Variants in NUDT3 observed in about 807,000 individuals in gnomAD.
The protein encoded by NUDT3 is nudix hydrolase 3, also known as diphosphoinositol polyphosphate phosphohydrolase 1.
A neutral mutation model predicts 23.6 loss-of-function variants in NUDT3; 9 were observed. The ratio of observed to expected loss-of-function variants is 0.38; its 90% CI spans 0.23 to 0.66. The LOEUF is 0.66. Among genes scored for constraint, NUDT3 ranks in the 30% least tolerant of loss-of-function variants. The probability of loss-of-function intolerance (pLI) is 0.52; values close to 1 mark genes in which losing one functional copy is unlikely to be tolerated. For synonymous variants in NUDT3, 86 were observed against 82.6 expected, an observed-to-expected ratio of 1.04 and a Z score of -0.22; for missense variants, 172 against 218.5, an observed-to-expected ratio of 0.79 and a Z score of 1.34.
At chr6:34,379,073 C>A (rs1253503822) in intron 1 of NUDT3, among the ~76,000 whole-genome samples, 2 of 152,196 alleles carry the variant, frequency 1.3e-5, no homozygotes, top group Non-Finnish European at 2.9e-5. Context: ...CTTTCACCCA[C>A]AGCAACGTAG....
At chr6:34,343,035 G>A (rs1764311010) in intron 1 of NUDT3, among the ~76,000 whole-genome samples, 1 of 152,104 alleles carries the variant, frequency 6.6e-6, no homozygotes. Flanking sequence ...TATGTGATCT[G>A]TAGATTCAGA....
rs1015389927 is a variant in NUDT3 at position 34,335,486 on chromosome 6, T to A, written c.210+6376A>T. 3.9e-5 allele frequency among the ~76,000 whole-genome samples: 6 copies of A among 152,090 alleles called. No homozygotes were observed. In the East Asian group the frequency reaches 1.2e-3, roughly 29 times the overall value. On this transcript the variant is annotated intron_variant, in intron 2 of 4. Transcript: ENST00000607016. ...GTTTATTACCACAGAAGTATTTTTG[T>A]GTTAAGGAGACCAAACATAATCTAA...
At chr6:34,360,245 A>G (rs1191438872) in intron 1 of NUDT3, among the ~76,000 whole-genome samples, 1 of 151,060 alleles carries the variant, frequency 6.6e-6, no homozygotes, top group African/African-American at 2.4e-5. Flanking sequence ...CTCAAAAAAA[A>G]AAAAAAAAAA....
At chr6:34,344,693 C>T (rs1451127570) in intron 1 of NUDT3, among the ~76,000 whole-genome samples, 1 of 152,040 alleles carries the variant, frequency 6.6e-6, no homozygotes, top group Non-Finnish European at 1.5e-5. Flanking sequence ...CCTCTGTTGC[C>T]CAGGCTGGAG....
At chr6:34,340,700 T>C (rs1246865455) in intron 2 of NUDT3, among the ~76,000 whole-genome samples, 1 of 152,238 alleles carries the variant, frequency 6.6e-6, no homozygotes, top group Non-Finnish European at 1.5e-5. Flanking sequence ...GCATCTGCAT[T>C]GTTCCAACCA....
At chr6:34,329,263 T>C (rs1764089759) in intron 2 of NUDT3, among the ~76,000 whole-genome samples, 1 of 152,066 alleles carries the variant, frequency 6.6e-6, no homozygotes, top group African/African-American at 2.4e-5. Context: ...TATACACAAA[T>C]ATATATATAA....
intron 4 of NUDT3, among the ~76,000 whole-genome samples, chr6:34,292,267 C>T (rs925608403): frequency 4.6e-5 from 7 of 152,164 alleles, no homozygotes; most frequent in Admixed American, 1.3e-4. Context: ...CAAAGGGCTA[C>T]GAACTGCCCA....
At chr6:34,307,649 A>T (rs569679117) in intron 2 of NUDT3, among the ~76,000 whole-genome samples, 2 of 152,328 alleles carry the variant, frequency 1.3e-5, no homozygotes, top group East Asian at 3.9e-4. Context: ...ATTAAAATGA[A>T]GGATAAGAAC....
At chr6:34,303,117 G>A (rs1448046665) in intron 2 of NUDT3, among the ~76,000 whole-genome samples, 1 of 150,898 alleles carries the variant, frequency 6.6e-6, no homozygotes, top group Non-Finnish European at 1.5e-5. Context: ...CTGCAGCCTT[G>A]ACCTGCTGGG....
At chr6:34,293,604 C>G in intron 3 of NUDT3, 69 bp from the exon 4 acceptor site, 1 of 1,560,288 alleles carries the variant, frequency 6.4e-7, no homozygotes, top group Non-Finnish European at 8.8e-7. Context: ...AAATGAAACA[C>G]ACTCTTATGC....
At chr6:34,388,681 G>A (rs117024781) in intron 1 of NUDT3, among the ~76,000 whole-genome samples, 1 of 152,294 alleles carries the variant, frequency 6.6e-6, no homozygotes, top group East Asian at 1.9e-4. Context: ...ACTCAACTCT[G>A]TCTGCAAGAA....
intron 1 of NUDT3, among the ~76,000 whole-genome samples, chr6:34,348,176 T>C (rs868713929): frequency 4.0e-5 from 6 of 151,364 alleles, no homozygotes; most frequent in Middle Eastern, 3.4e-3. Flanking sequence ...GTCCCAGCTA[T>C]GCAGGAGGGT....
chr6:34,353,576 A>T (rs1233923860), intron 1 of NUDT3, among the ~76,000 whole-genome samples: 4 of 150,970 alleles, frequency 2.6e-5, no homozygotes. Flanking sequence ...TAATTTTTCT[A>T]TTTTTTTGGT....
chr6:34,362,767 T>C (rs988333780), intron 1 of NUDT3, among the ~76,000 whole-genome samples: 1 of 152,158 alleles, frequency 6.6e-6, no homozygotes, highest in African/African-American at 2.4e-5. Context: ...CAAGTTCTAT[T>C]CATGTAAATA....
chr6:34,374,723 C>T (rs1189867688), intron 1 of NUDT3, among the ~76,000 whole-genome samples: 1 of 152,176 alleles, frequency 6.6e-6, no homozygotes, highest in African/African-American at 2.4e-5. Context: ...ATCATCATTT[C>T]TTGGCTAGTG....
intron 1 of NUDT3, among the ~76,000 whole-genome samples, chr6:34,361,066 T>A (rs911648243): frequency 6.6e-6 from 1 of 151,914 alleles, no homozygotes; most frequent in Non-Finnish European, 1.5e-5. Context: ...CTATAAAAAA[T>A]TTTAAAAATT....
chr6:34,373,582 T>A (rs1047367928), intron 1 of NUDT3, among the ~76,000 whole-genome samples: 1 of 152,064 alleles, frequency 6.6e-6, no homozygotes, highest in Admixed American at 6.6e-5. Context: ...ATGTAGAACA[T>A]CTTTATAATG....
chr6:34,343,041 T>A (rs1285610709), intron 1 of NUDT3, among the ~76,000 whole-genome samples: 1 of 152,186 alleles, frequency 6.6e-6, no homozygotes, highest in Non-Finnish European at 1.5e-5. Flanking sequence ...ATCTGTAGAT[T>A]CAGAGAAGAT....
At chr6:34,335,729 GT>G (rs971716441) in intron 2 of NUDT3, among the ~76,000 whole-genome samples, 1 of 148,548 alleles carries the variant, frequency 6.7e-6, no homozygotes, top group Non-Finnish European at 1.5e-5. Context: ...AAAAAAAAGT[GT>G]TTTTTTCTTT....
Sources: allele counts gnomAD v4.1 joint callset (sites outside exome capture counted in the v4.1 genomes callset), GRCh38; gene constraint gnomAD v4.1.1; transcripts MANE v1.5; gene names NCBI Gene and HGNC (gene_info 2026-07-23, HGNC 2026-07-21).